UBP1: variants seen among roughly 807,000 people sequenced by gnomAD.
The protein encoded by UBP1 is upstream-binding protein 1.
In UBP1, 22 loss-of-function variants were observed where a neutral mutation model predicts 76.1. That is an observed-to-expected ratio of 0.29 (90% CI 0.21 to 0.41). The LOEUF is 0.41. UBP1 is among the 10% of genes least tolerant of loss of function. The pLI is 1.00. For missense variants in UBP1, 436 were observed against 668.1 expected (o/e 0.65, Z 3.83); for synonymous variants, 224 against 237.1 (o/e 0.94, Z 0.51).
In UBP1 at chr3:33,433,425, C is replaced by CG. The variant is rs1458916041; in HGVS notation, c.113+6310dup. Among the ~76,000 whole-genome samples the CG allele has an allele frequency of 2.0e-4, 30 of 148,174 alleles. No individual in the cohort carries two copies. The South Asian group carries it at 6.3e-3, about 31-fold the overall frequency. On this transcript the variant is annotated intron_variant, in intron 1 of 15. Transcript: ENST00000283629. ...GGCCGGGCACCGTGGGAGTCCGAGG[C>CG]GGGCAGATCACGAAGTCAGGAGCTC...
chr3:33,423,982 C>T (rs2044964575), intron 2 of UBP1, among the ~76,000 whole-genome samples: 1 of 152,208 alleles, frequency 6.6e-6, no homozygotes, highest in Non-Finnish European at 1.5e-5. Context: ...CTACATGTTG[C>T]TTTAAACAGG....
chr3:33,408,841 CAAAG>C (rs1396751968), intron 7 of UBP1, 44 bp from the exon 8 acceptor site: 1 of 1,513,330 alleles, frequency 6.6e-7, no homozygotes, highest in South Asian at 1.1e-5. Context: ...TTTCATTATA[CAAAG>C]AAAGATCTAA....
At chr3:33,401,934 G>C (rs750688303) in intron 9 of UBP1, among the ~76,000 whole-genome samples, 2 of 152,150 alleles carry the variant, frequency 1.3e-5, no homozygotes, top group Non-Finnish European at 2.9e-5. Context: ...CTGAGTCCAA[G>C]GCTATTTTTC....
rs1366839618 is a variant in UBP1 at position 33,417,785 on chromosome 3, G to A, written c.266-951C>T. Among the ~76,000 whole-genome samples the A allele has an allele frequency of 7.9e-5, 12 of 152,170 alleles. No homozygotes were observed. In the East Asian group the frequency reaches 2.3e-3, roughly 29 times the overall value. ...TTAAAGAATGCTTATAATATCACATGAAGTTGAGAATCTTTATAACTACCA... is the reference window on the plus strand; with the variant it reads ...TTAAAGAATGCTTATAATATCACATAAAGTTGAGAATCTTTATAACTACCA... On this transcript the variant is annotated intron_variant, in intron 2 of 15. Transcript: ENST00000283629.
At chr3:33,430,476 A>G (rs2045094640) in intron 1 of UBP1, among the ~76,000 whole-genome samples, 1 of 152,220 alleles carries the variant, frequency 6.6e-6, no homozygotes, top group Admixed American at 6.5e-5. Context: ...AAATGCCAGT[A>G]CACCAAAATA....
Position 33,390,295 on chromosome 3 carries a change from A to G in UBP1, c.*36T>C, listed in dbSNP as rs1172613658. ...TCTTCACACACTTTTAAGCGTGACT[A>G]TTTGGTACTGAATACAGTTCAGTCT... is the stretch of plus-strand genomic sequence containing the variant. On this transcript the variant is annotated 3_prime_UTR_variant, in exon 16 of 16. Transcript: ENST00000283629. 1.2e-6 allele frequency: 2 copies of G among 1,601,174 alleles called. No homozygotes were observed. The highest frequency in any genetic ancestry group is 1.7e-6 in the Non-Finnish European group (2 of 1,169,434).
intron 9 of UBP1, among the ~76,000 whole-genome samples, chr3:33,401,732 ATCAG>A (rs1410569582): frequency 6.6e-6 from 1 of 152,234 alleles, no homozygotes; most frequent in Non-Finnish European, 1.5e-5. Context: ...GCACTAATGT[ATCAG>A]AACACTTAGA....
intron 1 of UBP1, among the ~76,000 whole-genome samples, chr3:33,432,076 T>TC (rs1553680236): frequency 6.6e-6 from 1 of 152,032 alleles, no homozygotes; most frequent in African/African-American, 2.4e-5. Flanking sequence ...ACCTGTAATC[T>TC]CAACACTTTG....
chr3:33,421,980 G>A (rs2044907476), intron 2 of UBP1, among the ~76,000 whole-genome samples: 1 of 152,060 alleles, frequency 6.6e-6, no homozygotes, highest in Non-Finnish European at 1.5e-5. Context: ...GGTGGCAGAG[G>A]TTGCAGTGAG....
In UBP1 at chr3:33,389,651, A is replaced by G. The variant is rs1478589492; in HGVS notation, c.*680T>C. 6.6e-6 allele frequency: 1 copy of G among 152,436 alleles called. No homozygotes were observed. 9.4% of individuals were successfully genotyped at this position (152,436 alleles called of 1,614,324 possible). ...AAATCTGTGACAAAGCCAAAACACA[A>G]AAGTCTTTGTACCTATTAGGATTTA... is the stretch of plus-strand genomic sequence containing the variant. On this transcript the variant is annotated 3_prime_UTR_variant, in exon 16 of 16. Coordinates refer to ENST00000283629, the MANE Select transcript of UBP1 (RefSeq NM_014517.5).
chr3:33,396,096 C>A (rs1218518104), intron 13 of UBP1, 66 bp downstream of exon 13: 1 of 1,398,106 alleles, frequency 7.2e-7, no homozygotes, highest in Non-Finnish European at 9.8e-7. Flanking sequence ...CCTGCTCAAT[C>A]GAGTCCTTTC....
chr3:33,400,628 T>C (rs1205628263), intron 10 of UBP1, among the ~76,000 whole-genome samples: 2 of 151,854 alleles, frequency 1.3e-5, no homozygotes, highest in African/African-American at 2.4e-5. Context: ...TTTGAACACA[T>C]GAAGGGAGAG....
intron 15 of UBP1, 103 bp downstream of exon 15, chr3:33,392,460 G>A (rs2043806399): frequency 2.0e-6 from 2 of 984,326 alleles, no homozygotes; most frequent in Admixed American, 2.7e-5. Flanking sequence ...CTTAAAATGA[G>A]TAAAGCAATC....
intron 13 of UBP1, 57 bp downstream of exon 13, chr3:33,396,105 T>C: frequency 1.4e-6 from 2 of 1,444,026 alleles, no homozygotes; most frequent in South Asian, 2.8e-5. Context: ...TCGAGTCCTT[T>C]CCGTTTCTGT....
At chr3:33,391,859 A>C (rs1392467041) in intron 15 of UBP1, 1 of 152,376 alleles carries the variant, frequency 6.6e-6, no homozygotes, top group Non-Finnish European at 1.5e-5. Context: ...AATGCATTTC[A>C]AGTAAATCCG....
At chr3:33,418,678 G>C (rs192782607) in intron 2 of UBP1, among the ~76,000 whole-genome samples, 11 of 151,782 alleles carry the variant, frequency 7.2e-5, no homozygotes, top group Admixed American at 2.0e-4. Flanking sequence ...GACCAACATG[G>C]AGAAACCTCA....
chr3:33,399,824 A>G (rs1212448327), intron 11 of UBP1, among the ~76,000 whole-genome samples: 2 of 151,864 alleles, frequency 1.3e-5, no homozygotes, highest in Non-Finnish European at 2.9e-5. Context: ...TGAGAAACGG[A>G]GTGAAGAGTA....
intron 2 of UBP1, among the ~76,000 whole-genome samples, chr3:33,422,513 C>T (rs1295809828): frequency 4.6e-5 from 7 of 151,938 alleles, no homozygotes; most frequent in African/African-American, 1.7e-4. Context: ...GCCCAGGAGT[C>T]GGAGATTAGC....
chr3:33,440,433 C>A (rs1159548809), upstream of UBP1: 2 of 152,196 alleles, frequency 1.3e-5, no homozygotes, highest in African/African-American at 2.4e-5. Flanking sequence ...CCCGACCCCG[C>A]CCCGGCGTTC....
Sources: allele counts gnomAD v4.1 joint callset (sites outside exome capture counted in the v4.1 genomes callset), GRCh38; gene constraint gnomAD v4.1.1; transcripts MANE v1.5; gene names NCBI Gene and HGNC (gene_info 2026-07-23, HGNC 2026-07-21).